The following PTPRN2 variants were observed in gnomAD, a reference collection of about 807,000 sequenced individuals.
PTPRN2 encodes protein tyrosine phosphatase receptor type N2, also known as receptor-type tyrosine-protein phosphatase N2.
A neutral mutation model predicts 118.8 loss-of-function variants in PTPRN2; 74 were observed. The ratio of observed to expected loss-of-function variants is 0.62; its 90% CI spans 0.52 to 0.76. The LOEUF (loss-of-function observed/expected upper bound fraction) is 0.76. PTPRN2 is among the 30% of genes least tolerant of loss of function. The pLI is 0.00. For missense variants in PTPRN2, 1,481 were observed against 1,394.4 expected, an observed-to-expected ratio of 1.06 and a Z score of -0.99; for synonymous variants, 641 against 608.0, an observed-to-expected ratio of 1.05 and a Z score of -0.80.
intron 11 of PTPRN2, among the ~76,000 whole-genome samples, chr7:157,961,648 A>G (rs1447233075): frequency 1.3e-5 from 2 of 152,222 alleles, no homozygotes; most frequent in Non-Finnish European, 2.9e-5. Flanking sequence ...CCATTTAATA[A>G]CGGTGTAATC....
At chr7:158,079,109 C>T (rs1164286484) in intron 11 of PTPRN2, among the ~76,000 whole-genome samples, 2 of 152,200 alleles carry the variant, frequency 1.3e-5, no homozygotes, top group Admixed American at 6.5e-5. Flanking sequence ...TCCTAAAATG[C>T]TGGGTTTACA....
At chr7:158,166,790 G>C (rs1053714605) in intron 6 of PTPRN2, 141 bp downstream of exon 6, 11 of 1,127,738 alleles carry the variant, frequency 9.8e-6, no homozygotes, top group Non-Finnish European at 1.3e-5. Context: ...TCCCTACATG[G>C]TGCCCCATTC....
rs571443568 is a variant in PTPRN2, at chr7:157,808,291, G to A, written c.1788+90382C>T. Reference sequence around the variant, plus strand: ...CGGGAGAGTGAGCTGTTGAGTGGCCGGTGAGTGGTGGGTGAGTGAGTACGT... The same window carrying A: ...CGGGAGAGTGAGCTGTTGAGTGGCCAGTGAGTGGTGGGTGAGTGAGTACGT... On this transcript the variant is annotated intron_variant, in intron 12 of 22. Transcript: ENST00000389418. The surrounding 1 kb of genome is among the most constrained non-coding windows in gnomAD (Gnocchi z 5.0). 2.0e-5 allele frequency among the ~76,000 whole-genome samples: 3 copies of A among 151,252 alleles called. No individual in the cohort carries two copies. The highest frequency in any genetic ancestry group is 6.6e-5 in the Admixed American group (1 of 15,208).
intron 2 of PTPRN2, among the ~76,000 whole-genome samples, chr7:158,448,735 TG>T (rs1176872629): frequency 6.6e-6 from 1 of 152,162 alleles, no homozygotes; most frequent in Non-Finnish European, 1.5e-5. Flanking sequence ...GCACTGCTGC[TG>T]GGGGCATTTC....
At chr7:158,344,003 A>G (rs1400523215) in intron 2 of PTPRN2, among the ~76,000 whole-genome samples, 3 of 152,146 alleles carry the variant, frequency 2.0e-5, no homozygotes, top group Non-Finnish European at 4.4e-5. Context: ...ACCCCAAGAT[A>G]AGACCCAGAA....
At chr7:158,381,691 A>T in intron 2 of PTPRN2, among the ~76,000 whole-genome samples, 1 of 152,100 alleles carries the variant, frequency 6.6e-6, no homozygotes, top group East Asian at 1.9e-4. Flanking sequence ...ACCGGTACCA[A>T]TTTACTGTAT....
intron 15 of PTPRN2, among the ~76,000 whole-genome samples, chr7:157,612,636 C>T (rs559276867): frequency 6.6e-6 from 1 of 152,356 alleles, no homozygotes; most frequent in East Asian, 1.9e-4. Context: ...GCAGTGACCT[C>T]TGACCCCACA....
intron 1 of PTPRN2, among the ~76,000 whole-genome samples, chr7:158,513,518 G>A (rs1433249299): frequency 1.3e-5 from 2 of 152,218 alleles, no homozygotes; most frequent in Non-Finnish European, 1.5e-5. Context: ...GTGTACTAAT[G>A]TAGGAAGTTA....
intron 12 of PTPRN2, among the ~76,000 whole-genome samples, chr7:157,711,939 G>A (rs1233853590): frequency 7.8e-6 from 1 of 128,268 alleles, no homozygotes; most frequent in Non-Finnish European, 1.6e-5. Context: ...ACATGAGTGG[G>A]GGGAGGGGCT....
intron 12 of PTPRN2, among the ~76,000 whole-genome samples, chr7:157,871,047 G>A (rs1678799652): frequency 6.6e-6 from 1 of 152,210 alleles, no homozygotes; most frequent in Non-Finnish European, 1.5e-5. Context: ...GCTAGGCCAT[G>A]AGCTGCACAG....
rs1198600666 is a variant in PTPRN2, at chr7:157,690,198, G to C, written c.1789-7261C>G. Among the ~76,000 whole-genome samples, 2 of 152,150 alleles carry C rather than the reference G, an allele frequency of 1.3e-5. No individual in the cohort carries two copies. The highest frequency in any genetic ancestry group is 2.9e-5 in the Non-Finnish European group (2 of 68,020). ...AGCTGCCAACCCTCCAAATCTGTGC[G>C]CTCAGAAGGAGCTGCCCTTTGCCCG... On this transcript the variant is annotated intron_variant, in intron 12 of 22. Coordinates refer to ENST00000389418, the MANE Select transcript of PTPRN2 (RefSeq NM_002847.5). The surrounding 1 kb of genome is among the most constrained non-coding windows in gnomAD (Gnocchi z 7.1).
At chr7:158,317,032 G>T in intron 2 of PTPRN2, 100 bp from the exon 3 acceptor site, 1 of 876,340 alleles carries the variant, frequency 1.1e-6, no homozygotes, top group South Asian at 1.8e-5. Context: ...ATCATGTGCC[G>T]CCGTGAGGTT....
chr7:157,668,133 C>A (rs999796192), intron 13 of PTPRN2, among the ~76,000 whole-genome samples: 2 of 152,268 alleles, frequency 1.3e-5, no homozygotes, highest in Non-Finnish European at 2.9e-5. Context: ...GTGCCCAGGC[C>A]GGGGCCCTGG....
chr7:157,553,848 G>A (rs1367842992), intron 21 of PTPRN2, among the ~76,000 whole-genome samples: 1 of 152,222 alleles, frequency 6.6e-6, no homozygotes, highest in African/African-American at 2.4e-5. Context: ...GGTGGAGACA[G>A]AAGCTTTCAT....
At chr7:158,219,054 C>G (rs1828158338) in intron 3 of PTPRN2, among the ~76,000 whole-genome samples, 1 of 152,090 alleles carries the variant, frequency 6.6e-6, no homozygotes, top group Non-Finnish European at 1.5e-5. Context: ...TGGACTCAAA[C>G]TCAACCCTTG....
chr7:157,934,475 C>A (rs1261627623), intron 11 of PTPRN2, among the ~76,000 whole-genome samples: 1 of 152,258 alleles, frequency 6.6e-6, no homozygotes, highest in Non-Finnish European at 1.5e-5. Flanking sequence ...TCAACTGGCA[C>A]ATCGGCTCAC....
chr7:158,471,712 A>AC (rs1049350229), intron 2 of PTPRN2, among the ~76,000 whole-genome samples: 9 of 149,578 alleles, frequency 6.0e-5, no homozygotes, highest in South Asian at 2.1e-4. Context: ...AAACAAACAA[A>AC]AAAAAAACCT....
At chr7:158,290,734 T>C (rs78466486) in intron 3 of PTPRN2, among the ~76,000 whole-genome samples, 2,085 of 152,304 alleles carry the variant, frequency 0.014, 46 homozygotes, top group African/African-American at 0.048. Context: ...GCAAAACTGT[T>C]TTTTCTGCCT....
intron 12 of PTPRN2, among the ~76,000 whole-genome samples, chr7:157,793,473 A>G (rs1447442214): frequency 6.7e-6 from 1 of 149,086 alleles, no homozygotes; most frequent in African/African-American, 2.5e-5. Flanking sequence ...GGGGGAGGAA[A>G]GGATCTGAGG....
Sources: allele counts gnomAD v4.1 joint callset (sites outside exome capture counted in the v4.1 genomes callset), GRCh38; gene constraint gnomAD v4.1.1; non-coding constraint Gnocchi (gnomAD v3.1); transcripts MANE v1.5; gene names NCBI Gene and HGNC (gene_info 2026-07-23, HGNC 2026-07-21).